Variants in KCNQ1 observed in about 807,000 individuals in gnomAD.
The protein encoded by KCNQ1 is potassium voltage-gated channel subfamily Q member 1.
KCNQ1 carries 49 observed loss-of-function variants against 72.4 expected under a neutral mutation model. That is an observed-to-expected ratio of 0.68 (90% CI 0.54 to 0.86). The LOEUF is 0.86. Among genes scored for constraint, KCNQ1 ranks in the 40% least tolerant of loss-of-function variants. The pLI is 0.00. For missense variants in KCNQ1, 790 were observed against 945.1 expected (o/e 0.84, Z 2.15); for synonymous variants, 450 against 412.6 (o/e 1.09, Z -1.10).
rs531377909 is a variant in KCNQ1, at chr11:2,803,553, G to A, written c.1794+25516G>A. ...CTCCCTGCAGGCACTGGCAGAGCTG[G>A]GGGTGATGGGGCTTCAGTGGAGCCC... On this transcript the variant is annotated intron_variant, in intron 15 of 15. Transcript: ENST00000155840. The surrounding 1 kb of genome is among the most constrained non-coding windows in gnomAD (Gnocchi z 6.4). Among the ~76,000 whole-genome samples, 1 of 152,244 alleles carries A rather than the reference G, an allele frequency of 6.6e-6. No individual in the cohort carries two copies. The highest frequency in any genetic ancestry group is 6.5e-5 in the Admixed American group (1 of 15,294).
chr11:2,608,262 T>G lies in KCNQ1; in HGVS notation c.1393+19408T>G. ...CTCTTGGGCTTTTCTTTTCAACTAG[T>G]GTTCTCATAACTAATTCAATCTCTT... On this transcript the variant is annotated intron_variant, in intron 10 of 15. Transcript: ENST00000155840. The surrounding 1 kb of genome is among the most constrained non-coding windows in gnomAD (Gnocchi z 4.6). The G allele has an allele frequency of 5.0e-6, 2 of 397,292 alleles. No homozygotes were observed. The highest frequency in any genetic ancestry group is 4.4e-6 in the Non-Finnish European group (1 of 225,664). 24.6% of individuals were successfully genotyped at this position (397,292 alleles called of 1,614,324 possible). A position where few individuals can be genotyped will look rare whatever the true frequency, so the allele number is the denominator to read the frequency against.
chr11:2,536,410 T>C lies in KCNQ1; in HGVS notation c.477+8392T>C, dbSNP rs1173604177. Among the ~76,000 whole-genome samples the C allele has an allele frequency of 6.7e-6, 1 of 150,140 alleles. No individual in the cohort carries two copies. The highest frequency in any genetic ancestry group is 2.1e-4 in the South Asian group (1 of 4,782). ...TGGGGTGGGTGCCCCGAGTGCCTTGTTGGAGTGGAGGCTGGCGCTGCCCTG... is the reference window on the plus strand; with the variant it reads ...TGGGGTGGGTGCCCCGAGTGCCTTGCTGGAGTGGAGGCTGGCGCTGCCCTG... On this transcript the variant is annotated intron_variant, in intron 2 of 15. Transcript: ENST00000155840. This position sits in a 1 kb window ranked among gnomAD's most constrained non-coding sequence, Gnocchi z 7.4.
chr11:2,506,585 T>G (rs2133654169), intron 1 of KCNQ1, among the ~76,000 whole-genome samples: 1 of 152,376 alleles, frequency 6.6e-6, no homozygotes, highest in East Asian at 1.9e-4. Context: ...TGGATGTTCC[T>G]ATTGTTGGAG....
At position 2,663,081 on chromosome 11, in the gene KCNQ1, G is replaced by C. The variant is rs764368435; in HGVS notation, c.1514+1000G>C. The C allele has an allele frequency of 5.5e-5, 22 of 398,644 alleles. No individual in the cohort carries two copies. The highest frequency in any genetic ancestry group is 9.3e-5 in the Non-Finnish European group (21 of 226,178). The allele number at this position is 398,644 out of a possible 1,614,324, so 24.7% of individuals were successfully genotyped here. A position where few individuals can be genotyped will look rare whatever the true frequency, so the allele number is the denominator to read the frequency against. On this transcript the variant is annotated intron_variant, in intron 11 of 15. Coordinates refer to ENST00000155840, the MANE Select transcript of KCNQ1 (RefSeq NM_000218.3). This position sits in a 1 kb window ranked among gnomAD's most constrained non-coding sequence, Gnocchi z 5.2. The stretch of plus-strand genomic sequence containing the variant: ...ACTGGCAGGGTTGGGTAGCCAGAAT[G>C]AGGCCACCTCCAGGGAAGGAGTGGC...
intron 10 of KCNQ1, chr11:2,643,598 C>A: frequency 2.5e-6 from 1 of 398,424 alleles, no homozygotes; most frequent in Non-Finnish European, 4.4e-6. Context: ...GTTTTTAAGT[C>A]CATTCAGCCA....
intron 1 of KCNQ1, among the ~76,000 whole-genome samples, chr11:2,456,118 T>C (rs1232467679): frequency 6.6e-6 from 1 of 152,016 alleles, no homozygotes; most frequent in Non-Finnish European, 1.5e-5. Context: ...GGTGGGTGGA[T>C]CATGGGGTCA....
intron 1 of KCNQ1, among the ~76,000 whole-genome samples, chr11:2,496,445 T>TA (rs1239967147): frequency 5.6e-5 from 5 of 89,448 alleles, no homozygotes; most frequent in Non-Finnish European, 1.1e-4. Flanking sequence ...TCAGAAAAAA[T>TA]AAAAAATAAA....
intron 2 of KCNQ1, among the ~76,000 whole-genome samples, chr11:2,555,041 A>G (rs1384080029): frequency 6.6e-6 from 1 of 152,146 alleles, no homozygotes; most frequent in East Asian, 1.9e-4. Context: ...GGCAGCCTTT[A>G]ATAACCGCAG....
At chr11:2,572,640 G>A (rs1002203121) in intron 5 of KCNQ1, among the ~76,000 whole-genome samples, 8 of 152,240 alleles carry the variant, frequency 5.3e-5, no homozygotes, top group Non-Finnish European at 8.8e-5. Context: ...CCCCAGGGCT[G>A]AGCCTCATTC....
At chr11:2,847,697 G>C in intron 15 of KCNQ1, 70 bp from the exon 16 acceptor site, 1 of 1,425,874 alleles carries the variant, frequency 7.0e-7, no homozygotes, top group South Asian at 1.2e-5. Flanking sequence ...CCCAAACCTG[G>C]GCCCTGAGGC....
chr11:2,455,323 C>G (rs1589889304), intron 1 of KCNQ1, among the ~76,000 whole-genome samples: 1 of 152,212 alleles, frequency 6.6e-6, no homozygotes, highest in Non-Finnish European at 1.5e-5. Context: ...TGGTCTTGAT[C>G]TCCTGACCTT....
intron 5 of KCNQ1, 46 bp from the exon 6 acceptor site, chr11:2,572,800 C>A (rs1169154292): frequency 6.2e-7 from 1 of 1,612,280 alleles, no homozygotes; most frequent in South Asian, 1.1e-5. Context: ...AGGAGGCTCC[C>A]AGCCTGCGGT....
In KCNQ1 at chr11:2,723,545, G is replaced by A. The variant is rs1845707934; in HGVS notation, c.1515-45299G>A. Among the ~76,000 whole-genome samples, 1 of 152,236 alleles carries A rather than the reference G, an allele frequency of 6.6e-6. No homozygotes were observed. Among genetic ancestry groups the A allele is most frequent in the Admixed American group, 6.5e-5 (1 of 15,288 alleles). On this transcript the variant is annotated intron_variant, in intron 11 of 15. Transcript: ENST00000155840. This position sits in a 1 kb window ranked among gnomAD's most constrained non-coding sequence, Gnocchi z 4.2. The stretch of plus-strand genomic sequence containing the variant: ...TGTTCTGTCCTTACTGTAGCAGTGG[G>A]CCTGGAGGCAGTGGCATTTAGAGAG...
chr11:2,662,364 T>C, intron 11 of KCNQ1: 1 of 549,224 alleles, frequency 1.8e-6, no homozygotes. Context: ...CTGAGATTGT[T>C]TTTCTCTCCC....
chr11:2,838,921 G>A (rs1010888399), intron 15 of KCNQ1, among the ~76,000 whole-genome samples: 9 of 151,548 alleles, frequency 5.9e-5, no homozygotes, highest in East Asian at 1.9e-4. Flanking sequence ...GCACAAACAC[G>A]GCTCCTGGGC....
chr11:2,755,362 C>T (rs758079090), intron 11 of KCNQ1, among the ~76,000 whole-genome samples: 1 of 152,124 alleles, frequency 6.6e-6, no homozygotes, highest in Non-Finnish European at 1.5e-5. Flanking sequence ...ACGATTCTTC[C>T]ACCTCAACTT....
chr11:2,811,730 G>A (rs369012747), intron 15 of KCNQ1, among the ~76,000 whole-genome samples: 27 of 152,352 alleles, frequency 1.8e-4, no homozygotes, highest in Admixed American at 5.2e-4. Context: ...GGGGGGCTGC[G>A]TGGGAGACGG....
At chr11:2,569,111 C>G (rs1032647431) in intron 2 of KCNQ1, among the ~76,000 whole-genome samples, 7 of 152,164 alleles carry the variant, frequency 4.6e-5, no homozygotes, top group African/African-American at 1.7e-4. Flanking sequence ...GTCTTGAACT[C>G]CTGAACTCGT....
In KCNQ1 at chr11:2,626,231, GT is replaced by G. The variant is rs1849260223; in HGVS notation, c.1394-35728del. 2.5e-6 allele frequency: 1 copy of G among 398,506 alleles called. No individual in the cohort carries two copies. The highest frequency in any genetic ancestry group is 2.1e-5 in the African/African-American group (1 of 48,740). The allele number at this position is 398,506 out of a possible 1,614,324, so 24.7% of individuals were successfully genotyped here. A position where few individuals can be genotyped will look rare whatever the true frequency, so the allele number is the denominator to read the frequency against. ...TTTTGAGTAAGTTTTTGTACACAGT[GT>G]TAGGTAAGGGTCTCAACTTCATTCT... On this transcript the variant is annotated intron_variant, in intron 10 of 15. Coordinates refer to ENST00000155840, the MANE Select transcript of KCNQ1 (RefSeq NM_000218.3). The surrounding 1 kb of genome is among the most constrained non-coding windows in gnomAD (Gnocchi z 4.0).
Sources: gnomAD v4.1 joint callset for allele counts (sites outside exome capture counted in the v4.1 genomes callset) on GRCh38, gnomAD v4.1.1 for gene constraint, Gnocchi (gnomAD v3.1) non-coding constraint, MANE v1.5 for transcripts, NCBI Gene and HGNC (gene_info 2026-07-23, HGNC 2026-07-21) for gene names.